Variants in LRP1B observed in about 807,000 individuals in gnomAD.
LRP1B encodes LDL receptor related protein 1B, also known as low-density lipoprotein receptor-related protein 1B.
Under a neutral mutation model 556.6 loss-of-function variants are expected in LRP1B, and 217 were observed. That is an observed-to-expected ratio of 0.39 (90% CI 0.35 to 0.44). The LOEUF is 0.44. Among genes scored for constraint, LRP1B ranks in the 20% least tolerant of loss-of-function variants. The pLI is 1.00. For missense variants in LRP1B, 5,053 were observed against 5,620.8 expected (o/e 0.90, Z 3.23); for synonymous variants, 2,047 against 1,865.8 (o/e 1.10, Z -2.50).
chr2:140,493,627 C>T lies in LRP1B; in HGVS notation c.9035-934G>A, dbSNP rs578085040. Among the ~76,000 whole-genome samples the T allele has an allele frequency of 9.5e-4, 142 of 149,134 alleles. 3 individuals carry two copies. The highest frequency in any genetic ancestry group is 6.6e-3 in the South Asian group (31 of 4,714). The stretch of plus-strand genomic sequence containing the variant: ...TAAACTTGTTTGCCAAATGAAAAAA[C>T]GTAATGTTGATAGAAATTAGAAAAA... On this transcript the variant is annotated intron_variant, in intron 56 of 90. Transcript: ENST00000389484.
intron 3 of LRP1B, among the ~76,000 whole-genome samples, chr2:141,271,840 C>T (rs1247871037): frequency 6.7e-6 from 1 of 150,108 alleles, no homozygotes; most frequent in East Asian, 1.9e-4. Flanking sequence ...TACATAATGT[C>T]TCATTTCATA....
chr2:141,362,679 G>T (rs1688872000), intron 3 of LRP1B, among the ~76,000 whole-genome samples: 1 of 152,104 alleles, frequency 6.6e-6, no homozygotes, highest in Admixed American at 6.5e-5. Context: ...TTAACAAGTT[G>T]TATTACTCTT....
intron 2 of LRP1B, among the ~76,000 whole-genome samples, chr2:141,620,562 T>C (rs1239539156): frequency 2.0e-5 from 3 of 152,210 alleles, no homozygotes; most frequent in South Asian, 2.1e-4. Context: ...CAGTGTATAC[T>C]TTTTTCTGTT....
chr2:141,332,739 T>TAC, intron 3 of LRP1B, among the ~76,000 whole-genome samples: 1 of 149,434 alleles, frequency 6.7e-6, no homozygotes, highest in Non-Finnish European at 1.5e-5. Context: ...TATATATATA[T>TAC]AAAGGAAACT....
intron 27 of LRP1B, among the ~76,000 whole-genome samples, chr2:140,861,592 A>G (rs1228938265): frequency 6.6e-6 from 1 of 152,216 alleles, no homozygotes; most frequent in Admixed American, 6.5e-5. Context: ...GCTGATTGCT[A>G]TGAAGGTATT....
chr2:140,533,956 T>C (rs748586486), intron 47 of LRP1B, 65 bp downstream of exon 47: 48 of 1,579,270 alleles, frequency 3.0e-5, no homozygotes, highest in Non-Finnish European at 4.1e-5. Flanking sequence ...CAGAAACGAA[T>C]GTTGGAAAAG....
rs189727538 is a variant in LRP1B, at chr2:141,447,333, T to C, written c.343+33063A>G. On this transcript the variant is annotated intron_variant, in intron 3 of 90. Coordinates refer to ENST00000389484, the MANE Select transcript of LRP1B (RefSeq NM_018557.3). Reference sequence around the variant, plus strand: ...TCCTCTGGCCTTTTTTCAAAGTTCTTAGCTTCCTTGCATTGGGTTAGAACA... The same window carrying C: ...TCCTCTGGCCTTTTTTCAAAGTTCTCAGCTTCCTTGCATTGGGTTAGAACA... Among the ~76,000 whole-genome samples the C allele has an allele frequency of 2.0e-5, 3 of 152,150 alleles. No homozygotes were observed. The East Asian group carries it at 5.9e-4, about 30-fold the overall frequency.
At chr2:141,049,533 A>T (rs1698975743) in intron 10 of LRP1B, among the ~76,000 whole-genome samples, 2 of 152,108 alleles carry the variant, frequency 1.3e-5, no homozygotes, top group Non-Finnish European at 2.9e-5. Context: ...TTATTAAAAC[A>T]TCGGGCACAT....
intron 1 of LRP1B, among the ~76,000 whole-genome samples, chr2:141,816,750 A>G (rs868034459): frequency 9.2e-5 from 14 of 152,140 alleles, no homozygotes; most frequent in African/African-American, 3.1e-4. Context: ...ACTCACATGT[A>G]TATAGAGATA....
intron 3 of LRP1B, among the ~76,000 whole-genome samples, chr2:141,437,523 T>C (rs1680806735): frequency 6.6e-6 from 1 of 152,084 alleles, no homozygotes; most frequent in Non-Finnish European, 1.5e-5. Context: ...CCTGTATTTA[T>C]TGAAATACAA....
chr2:140,964,071 C>A (rs1046524669), intron 18 of LRP1B, among the ~76,000 whole-genome samples: 3 of 151,424 alleles, frequency 2.0e-5, no homozygotes, highest in Non-Finnish European at 2.9e-5. Context: ...ATGTGAGTCA[C>A]CTCCAATGAT....
chr2:141,351,729 T>C (rs997764727), intron 3 of LRP1B, among the ~76,000 whole-genome samples: 5 of 151,994 alleles, frequency 3.3e-5, no homozygotes, highest in Non-Finnish European at 7.4e-5. Flanking sequence ...AACATGAAAT[T>C]ACATGCTTGA....
intron 87 of LRP1B, among the ~76,000 whole-genome samples, chr2:140,244,336 C>T (rs1434854212): frequency 1.3e-5 from 2 of 151,140 alleles, no homozygotes; most frequent in East Asian, 3.9e-4. Context: ...AGATATCTTG[C>T]CCCTATTGTC....
At position 141,942,031 on chromosome 2, in the gene LRP1B, C is replaced by T. The variant is rs1329921669; in HGVS notation, c.83-131630G>A. Among the ~76,000 whole-genome samples the T allele has an allele frequency of 3.9e-5, 6 of 152,118 alleles. 1 individual carries two copies. The highest frequency in any genetic ancestry group is 1.2e-4 in the African/African-American group (5 of 41,418). ...CTCTTCTCCTTCTCTATCTGTCACC[C>T]GGACTGGGTGCCTAGCACAATACTC... On this transcript the variant is annotated intron_variant, in intron 1 of 90. Coordinates refer to ENST00000389484, the MANE Select transcript of LRP1B (RefSeq NM_018557.3).
intron 86 of LRP1B, among the ~76,000 whole-genome samples, chr2:140,253,650 T>C (rs1291026200): frequency 1.3e-5 from 2 of 152,094 alleles, no homozygotes; most frequent in Admixed American, 1.3e-4. Context: ...AAAATGTTTA[T>C]CATCTAGATA....
intron 35 of LRP1B, among the ~76,000 whole-genome samples, chr2:140,752,265 C>T (rs539327921): frequency 2.7e-5 from 4 of 150,600 alleles, no homozygotes; most frequent in South Asian, 2.1e-4. Flanking sequence ...CACTTAGCCA[C>T]GGAATAAATA....
chr2:140,848,232 CT>C (rs1442415571), intron 29 of LRP1B, among the ~76,000 whole-genome samples: 2 of 152,104 alleles, frequency 1.3e-5, no homozygotes, highest in East Asian at 3.9e-4. Flanking sequence ...CATTATTGTT[CT>C]TTTTAATCCA....
At chr2:140,981,189 C>A (rs1315945962) in intron 18 of LRP1B, among the ~76,000 whole-genome samples, 1 of 151,780 alleles carries the variant, frequency 6.6e-6, no homozygotes, top group Non-Finnish European at 1.5e-5. Flanking sequence ...TTAGAAATCA[C>A]CATTAAATAA....
chr2:141,994,327 A>G (rs1237109020), intron 1 of LRP1B, among the ~76,000 whole-genome samples: 2 of 152,188 alleles, frequency 1.3e-5, no homozygotes, highest in East Asian at 3.8e-4. Context: ...AATAAAAATT[A>G]TTTCATAATA....
Sources: gnomAD v4.1 joint callset for allele counts (sites outside exome capture counted in the v4.1 genomes callset) on GRCh38, gnomAD v4.1.1 for gene constraint, MANE v1.5 for transcripts, NCBI Gene and HGNC (gene_info 2026-07-23, HGNC 2026-07-21) for gene names.